Variants in CELF2 observed in about 807,000 individuals in gnomAD.
CELF2 encodes CUGBP Elav-like family member 2.
A neutral mutation model predicts 62.6 loss-of-function variants in CELF2; 8 were observed. The observed-to-expected ratio is 0.13, with a 90% CI of 0.07 to 0.23. CELF2 has a LOEUF of 0.23. CELF2 is among the 10% of genes least tolerant of loss of function. The pLI, the probability that CELF2 is intolerant of heterozygous loss-of-function variation, is 1.00. For missense variants in CELF2, 333 were observed against 671.0 expected, an observed-to-expected ratio of 0.50 and a Z score of 5.56; for synonymous variants, 258 against 250.0, an observed-to-expected ratio of 1.03 and a Z score of -0.30.
intron 2 of CELF2, among the ~76,000 whole-genome samples, chr10:10,945,270 T>TGGGC (rs1230512893): frequency 6.6e-6 from 1 of 152,188 alleles, no homozygotes; most frequent in Non-Finnish European, 1.5e-5. Flanking sequence ...TCCTTCGGCT[T>TGGGC]CATGCAGTAG....
chr10:11,226,452 A>T (rs971931650), intron 3 of CELF2, among the ~76,000 whole-genome samples: 1 of 152,188 alleles, frequency 6.6e-6, no homozygotes, highest in African/African-American at 2.4e-5. Context: ...TCACAAGGTA[A>T]ATCTAAATCC....
intron 1 of CELF2, among the ~76,000 whole-genome samples, chr10:11,139,262 C>G (rs1264400757): frequency 6.6e-6 from 1 of 152,194 alleles, no homozygotes; most frequent in Non-Finnish European, 1.5e-5. Flanking sequence ...TAGCTTGCTA[C>G]TATCTTTAAA....
the CELF2 span, among the ~76,000 whole-genome samples, chr10:10,615,281 A>G: frequency 3.9e-5 from 6 of 152,122 alleles, no homozygotes; most frequent in Admixed American, 3.9e-4. Flanking sequence ...TGTCACTGCA[A>G]AATCAATACT....
intron 1 of CELF2, among the ~76,000 whole-genome samples, chr10:11,071,861 C>T (rs540458968): frequency 1.1e-4 from 17 of 152,182 alleles, no homozygotes; most frequent in Non-Finnish European, 1.8e-4. Flanking sequence ...ATATCTCACC[C>T]CTGACAAGTC....
rs77391105 is a variant in CELF2 at position 11,224,574 on chromosome 10, G to A, written c.354+7067G>A. On this transcript the variant is annotated intron_variant, in intron 3 of 12. Coordinates refer to ENST00000633077, the MANE Select transcript of CELF2 (RefSeq NM_001326342.2). The surrounding 1 kb of genome is among the most constrained non-coding windows in gnomAD (Gnocchi z 4.5). ...TAAAGGTCTGCATGGAATTACAGAG[G>A]AAGGAGGTGAGCCATGATAATCAAA... Among the ~76,000 whole-genome samples the A allele has an allele frequency of 5.7e-3, 870 of 152,286 alleles. 5 individuals carry two copies. The highest frequency in any genetic ancestry group is 0.02 in the African/African-American group (832 of 41,556).
the CELF2 span, among the ~76,000 whole-genome samples, chr10:10,602,012 A>C: frequency 2.0e-5 from 3 of 151,764 alleles, no homozygotes; most frequent in Non-Finnish European, 4.4e-5. Flanking sequence ...TTCCAGTGTT[A>C]GTTTGCTGAG....
intron 1 of CELF2, among the ~76,000 whole-genome samples, chr10:11,056,890 T>C (rs2065368658): frequency 6.6e-6 from 1 of 150,754 alleles, no homozygotes; most frequent in South Asian, 2.1e-4. Flanking sequence ...GGGGGAAGTC[T>C]GTGCAGGGAA....
intron 1 of CELF2, among the ~76,000 whole-genome samples, chr10:11,061,229 A>C (rs947447197): frequency 6.6e-6 from 1 of 152,266 alleles, no homozygotes. Context: ...CTTATTGCCT[A>C]TATGGAGAAA....
the CELF2 span, among the ~76,000 whole-genome samples, chr10:10,619,035 CT>C: frequency 6.6e-6 from 1 of 151,548 alleles, no homozygotes; most frequent in Non-Finnish European, 1.5e-5. Context: ...TGTTGCCTGC[CT>C]TTTTACTGCA....
intron 9 of CELF2, among the ~76,000 whole-genome samples, chr10:11,289,370 G>A (rs2092106970): frequency 6.6e-6 from 1 of 152,072 alleles, no homozygotes; most frequent in South Asian, 2.1e-4. Flanking sequence ...TTAGCTAAGT[G>A]TTGGAAAAAC....
rs997216405 is a variant in CELF2 at position 11,244,921 on chromosome 10, C to T, written c.355-4232C>T. Among the ~76,000 whole-genome samples, 1 of 152,168 alleles carries T rather than the reference C, an allele frequency of 6.6e-6. No homozygotes were observed. The highest frequency in any genetic ancestry group is 1.5e-5 in the Non-Finnish European group (1 of 68,024). ...CCTCCATCTGTGTCTGGTGTCTCTT[C>T]TCTGAGTTCGCACCGTACAGCTCTT... On this transcript the variant is annotated intron_variant, in intron 3 of 12. Coordinates refer to ENST00000633077, the MANE Select transcript of CELF2 (RefSeq NM_001326342.2). The surrounding 1 kb of genome is among the most constrained non-coding windows in gnomAD (Gnocchi z 4.2).
In CELF2 at chr10:11,177,945, C is replaced by A. The variant is rs929876912; in HGVS notation, c.271+12263C>A. On this transcript the variant is annotated intron_variant, in intron 2 of 12. Coordinates refer to ENST00000633077, the MANE Select transcript of CELF2 (RefSeq NM_001326342.2). The surrounding 1 kb of genome is among the most constrained non-coding windows in gnomAD (Gnocchi z 4.8). ...TCCTGGTGGTGGCCTTAGAAGACAG[C>A]CCCTGTGAGGCTCAGTAAGCCGCAG... Among the ~76,000 whole-genome samples, 3 of 152,154 alleles carry A rather than the reference C, an allele frequency of 2.0e-5. No homozygotes were observed. Among genetic ancestry groups the A allele is most frequent in the African/African-American group, 7.2e-5 (3 of 41,426 alleles).
chr10:11,013,975 T>C (rs183750709), upstream of CELF2, among the ~76,000 whole-genome samples: 108 of 152,340 alleles, frequency 7.1e-4, no homozygotes, highest in African/African-American at 2.4e-3. The surrounding 1 kb of genome is among the most constrained non-coding windows in gnomAD (Gnocchi z 4.1). Flanking sequence ...CAAAGTCAGA[T>C]ATTCTCTCAG....
In CELF2 at chr10:11,298,933, T is replaced by C. The variant is rs2093449623; in HGVS notation, c.976+10381T>C. The stretch of plus-strand genomic sequence containing the variant: ...AAAACTAGAATAAGGTCCAATGATA[T>C]TTTTCTCTGAATCTCTTGCCTTTGG... On this transcript the variant is annotated intron_variant, in intron 9 of 12. Coordinates refer to ENST00000633077, the MANE Select transcript of CELF2 (RefSeq NM_001326342.2). Among the ~76,000 whole-genome samples, 3 of 152,198 alleles carry C rather than the reference T, an allele frequency of 2.0e-5. No individual in the cohort carries two copies. In the South Asian group the frequency reaches 6.2e-4, roughly 31 times the overall value.
chr10:11,112,995 T>C (rs1046159402), intron 1 of CELF2, among the ~76,000 whole-genome samples: 3 of 151,898 alleles, frequency 2.0e-5, no homozygotes, highest in African/African-American at 7.3e-5. Context: ...GTGTCCTGAC[T>C]GAGTCGTGAG....
chr10:10,711,154 G>T, the CELF2 span, among the ~76,000 whole-genome samples: 1 of 152,082 alleles, frequency 6.6e-6, no homozygotes, highest in East Asian at 1.9e-4. Flanking sequence ...TCTGTCTCTA[G>T]ACATTGCCAA....
At chr10:11,320,831 T>G (rs1195146899) in intron 10 of CELF2, 2 of 1,521,782 alleles carry the variant, frequency 1.3e-6, no homozygotes, top group African/African-American at 1.4e-5. Context: ...CTAAGGTTTT[T>G]TTTTTTTTTT....
the CELF2 span, among the ~76,000 whole-genome samples, chr10:10,561,017 G>A: frequency 6.6e-6 from 1 of 150,646 alleles, no homozygotes; most frequent in African/African-American, 2.4e-5. Context: ...AACTTAGGGG[G>A]CAAGAGTGGG....
At chr10:10,986,530 AC>A (rs1198017985) in intron 2 of CELF2, among the ~76,000 whole-genome samples, 1 of 152,216 alleles carries the variant, frequency 6.6e-6, no homozygotes, top group East Asian at 1.9e-4. Flanking sequence ...AGGTATTGAT[AC>A]CCAATTAGTA....
Sources: gnomAD v4.1 joint callset for allele counts (sites outside exome capture counted in the v4.1 genomes callset) on GRCh38, gnomAD v4.1.1 for gene constraint, Gnocchi (gnomAD v3.1) non-coding constraint, MANE v1.5 for transcripts, NCBI Gene and HGNC (gene_info 2026-07-23, HGNC 2026-07-21) for gene names.